Variants in LRRC1 observed in about 807,000 individuals in gnomAD.
The protein encoded by LRRC1 is leucine-rich repeat-containing protein 1.
In LRRC1, 28 loss-of-function variants were observed where a neutral mutation model predicts 69.9. That is an observed-to-expected ratio of 0.40 (90% CI 0.30 to 0.55). The LOEUF is 0.55. Among genes scored for constraint, LRRC1 ranks in the 20% least tolerant of loss-of-function variants. LRRC1 has a pLI of 0.47. For synonymous variants in LRRC1, 236 were observed against 240.2 expected, an observed-to-expected ratio of 0.98 and a Z score of 0.16; for missense variants, 498 against 609.0, an observed-to-expected ratio of 0.82 and a Z score of 1.92.
At position 53,879,720 on chromosome 6, in the gene LRRC1, A is replaced by C. The variant is rs191213377; in HGVS notation, c.356+649A>C. 4.5e-3 allele frequency among the ~76,000 whole-genome samples: 686 copies of C among 151,874 alleles called. 8 individuals carry two copies. The highest frequency in any genetic ancestry group is 0.016 in the African/African-American group (661 of 41,378). ...GATTTCTTTTTTTTTTTTCCCTGCA[A>C]GTAAAGCCACCGTGTCAGTTTTACT... On this transcript the variant is annotated intron_variant, in intron 3 of 13. Transcript: ENST00000370888.
chr6:53,817,601 C>T (rs1030968670), intron 1 of LRRC1, among the ~76,000 whole-genome samples: 3 of 152,222 alleles, frequency 2.0e-5, no homozygotes, highest in African/African-American at 7.2e-5. Flanking sequence ...CTTTGTACCC[C>T]CTTAAGAATG....
At chr6:53,881,412 A>G (rs974025060) in intron 3 of LRRC1, among the ~76,000 whole-genome samples, 2 of 152,154 alleles carry the variant, frequency 1.3e-5, no homozygotes, top group African/African-American at 4.8e-5. Flanking sequence ...TATTTTTCTT[A>G]TGTTTAAGAA....
Position 53,865,351 on chromosome 6 carries a change from T to C in LRRC1, c.278-13642T>C, listed in dbSNP as rs1398404382. The stretch of plus-strand genomic sequence containing the variant: ...TGTAGGTCACATCTTATATATTTTC[T>C]CCTTAAACACTCAAAACACAAACGT... On this transcript the variant is annotated intron_variant, in intron 2 of 13. Transcript: ENST00000370888. Among the ~76,000 whole-genome samples, 3 of 152,092 alleles carry C rather than the reference T, an allele frequency of 2.0e-5. No homozygotes were observed. The East Asian group carries it at 5.8e-4, about 29-fold the overall frequency.
chr6:53,903,391 C>T (rs1480234626), intron 9 of LRRC1, among the ~76,000 whole-genome samples: 1 of 152,068 alleles, frequency 6.6e-6, no homozygotes, highest in Non-Finnish European at 1.5e-5. Context: ...AGATCTCAGT[C>T]GTCTTTTCCT....
chr6:53,849,607 T>C (rs77185847), intron 2 of LRRC1, among the ~76,000 whole-genome samples: 2 of 152,204 alleles, frequency 1.3e-5, no homozygotes, highest in South Asian at 4.1e-4. Flanking sequence ...CAAACAGCGC[T>C]CTCCTCTTAC....
intron 2 of LRRC1, among the ~76,000 whole-genome samples, chr6:53,868,080 T>C (rs1455738423): frequency 6.6e-6 from 1 of 152,150 alleles, no homozygotes; most frequent in African/African-American, 2.4e-5. Flanking sequence ...GTACTAAGTA[T>C]TAGTATACTA....
intron 1 of LRRC1, among the ~76,000 whole-genome samples, chr6:53,819,527 A>G (rs1012379388): frequency 2.0e-5 from 3 of 152,156 alleles, no homozygotes; most frequent in African/African-American, 4.8e-5. Context: ...ATGAGGAGGT[A>G]CTTTGTCTGC....
At chr6:53,910,506 G>A (rs1375680187) in intron 10 of LRRC1, among the ~76,000 whole-genome samples, 8 of 152,056 alleles carry the variant, frequency 5.3e-5, no homozygotes, top group African/African-American at 1.9e-4. Flanking sequence ...AAGACATTCG[G>A]GTAAGTTCAG....
intron 4 of LRRC1, among the ~76,000 whole-genome samples, chr6:53,895,766 T>A (rs1467266868): frequency 1.3e-5 from 2 of 152,358 alleles, no homozygotes; most frequent in East Asian, 3.9e-4. Flanking sequence ...CATTCCACTG[T>A]GCTCCTAATA....
intron 2 of LRRC1, among the ~76,000 whole-genome samples, chr6:53,874,772 A>G (rs765958218): frequency 5.3e-5 from 8 of 152,210 alleles, no homozygotes; most frequent in Non-Finnish European, 1.2e-4. Flanking sequence ...GCCATTCTCA[A>G]TGTTAATATG....
chr6:53,797,144 GGCAT>G (rs1467638306), intron 1 of LRRC1, among the ~76,000 whole-genome samples: 1 of 151,584 alleles, frequency 6.6e-6, no homozygotes, highest in Non-Finnish European at 1.5e-5. Flanking sequence ...AATTCAGCTT[GGCAT>G]GGGAAATTAC....
chr6:53,897,809 G>T (rs1228499791), intron 7 of LRRC1, among the ~76,000 whole-genome samples: 1 of 152,100 alleles, frequency 6.6e-6, no homozygotes, highest in South Asian at 2.1e-4. Context: ...TCCAAATGTT[G>T]CTTATGGTTT....
At chr6:53,810,075 T>C (rs181513981) in intron 1 of LRRC1, among the ~76,000 whole-genome samples, 238 of 152,182 alleles carry the variant, frequency 1.6e-3, no homozygotes, top group African/African-American at 5.5e-3. Context: ...CAAAGAATAG[T>C]TGGAAAAAGA....
Position 53,920,559 on chromosome 6 carries a change from A to T in LRRC1, c.1280-66A>T, listed in dbSNP as rs939918905. On this transcript the variant is annotated intron_variant, in intron 12 of 13. Coordinates refer to ENST00000370888, the MANE Select transcript of LRRC1 (RefSeq NM_018214.5). ...TATAGATTCTACCTTGTCAGCCGCA[A>T]AGTTCATAGCATTTACTGATCACAT... The T allele has an allele frequency of 2.5e-6, 4 of 1,595,248 alleles. No individual in the cohort carries two copies. In the African/African-American group the frequency reaches 5.4e-5, roughly 21 times the overall value.
intron 1 of LRRC1, among the ~76,000 whole-genome samples, chr6:53,803,786 G>GGTGTTACACCTAATTACAGC (rs1764559425): frequency 6.6e-6 from 1 of 152,122 alleles, no homozygotes; most frequent in Admixed American, 6.6e-5. Flanking sequence ...AGTGGAAGGT[G>GGTGTTACACCTAATTACAGC]GTGTTACACC....
intron 2 of LRRC1, among the ~76,000 whole-genome samples, chr6:53,877,085 C>T (rs1219671596): frequency 6.6e-6 from 1 of 152,230 alleles, no homozygotes; most frequent in African/African-American, 2.4e-5. Flanking sequence ...GAAATCTAGC[C>T]AGAGGTTCCC....
chr6:53,880,711 C>T (rs1188870954), intron 3 of LRRC1, among the ~76,000 whole-genome samples: 2 of 152,186 alleles, frequency 1.3e-5, no homozygotes, highest in Non-Finnish European at 2.9e-5. Flanking sequence ...TTTCATAACA[C>T]TTGAAATTTA....
At chr6:53,881,745 G>C (rs1767297413) in intron 3 of LRRC1, among the ~76,000 whole-genome samples, 1 of 152,016 alleles carries the variant, frequency 6.6e-6, no homozygotes, top group South Asian at 2.1e-4. Flanking sequence ...CTCTCCCTCA[G>C]TGAAAAAAAG....
chr6:53,809,584 T>C (rs114127074), intron 1 of LRRC1, among the ~76,000 whole-genome samples: 258 of 152,352 alleles, frequency 1.7e-3, no homozygotes, highest in Non-Finnish European at 2.9e-3. Flanking sequence ...GTAAGGTAAA[T>C]ACAGCAGAAG....
Sources: gnomAD v4.1 joint callset for allele counts (sites outside exome capture counted in the v4.1 genomes callset) on GRCh38, gnomAD v4.1.1 for gene constraint, MANE v1.5 for transcripts, NCBI Gene and HGNC (gene_info 2026-07-23, HGNC 2026-07-21) for gene names.